EDIL3: variants seen among roughly 807,000 people sequenced by gnomAD.
EDIL3 encodes EGF like and discoidin domains 3, also known as EGF-like repeat and discoidin I-like domain-containing protein 3.
In EDIL3, 37 loss-of-function variants were observed where a neutral mutation model predicts 67.4. The ratio of observed to expected loss-of-function variants is 0.55; its 90% CI spans 0.42 to 0.72. The LOEUF (loss-of-function observed/expected upper bound fraction) is 0.72. EDIL3 is among the 30% of genes least tolerant of loss of function. EDIL3 has a pLI of 0.00. For synonymous variants in EDIL3, 195 were observed against 196.3 expected (o/e 0.99, Z 0.05); for missense variants, 527 against 586.3 (o/e 0.90, Z 1.04).
intron 10 of EDIL3, among the ~76,000 whole-genome samples, chr5:83,956,439 C>T (rs979397684): frequency 2.0e-5 from 3 of 151,730 alleles, no homozygotes; most frequent in African/African-American, 7.2e-5. Flanking sequence ...ATTATGTTCT[C>T]TGTGTACCTT....
intron 9 of EDIL3, among the ~76,000 whole-genome samples, chr5:83,982,168 A>T (rs1316156410): frequency 1.3e-5 from 2 of 152,138 alleles, no homozygotes; most frequent in Non-Finnish European, 2.9e-5. Context: ...GAAACTAATT[A>T]AAAAATATTT....
chr5:84,384,082 C>T (rs1019164995), intron 1 of EDIL3, among the ~76,000 whole-genome samples: 1 of 152,138 alleles, frequency 6.6e-6, no homozygotes, highest in South Asian at 2.1e-4. Context: ...TTTCCTGTAT[C>T]TCACCCCGGT....
At chr5:84,188,662 G>A (rs1743517254) in intron 3 of EDIL3, among the ~76,000 whole-genome samples, 1 of 151,776 alleles carries the variant, frequency 6.6e-6, no homozygotes, top group South Asian at 2.1e-4. Flanking sequence ...AAGGTTAAAT[G>A]AGGTCATATA....
rs1485289803 is a variant in EDIL3, at chr5:84,137,371, G to A, written c.356-17C>T. ...CATTTATGTCTAAGAAAAACAGAAA[G>A]GACAGAGGAAGAGAATTATTGGTAA... On this transcript the variant is annotated splice_polypyrimidine_tract_variant and intron_variant, in intron 4 of 10. Transcript: ENST00000296591. The A allele has an allele frequency of 6.3e-7, 1 of 1,591,842 alleles. No individual in the cohort carries two copies. Among genetic ancestry groups the A allele is most frequent in the Admixed American group, 1.8e-5 (1 of 56,852 alleles).
At chr5:84,000,853 A>G (rs1745318841) in intron 9 of EDIL3, among the ~76,000 whole-genome samples, 1 of 151,854 alleles carries the variant, frequency 6.6e-6, no homozygotes, top group East Asian at 1.9e-4. Context: ...AAATTAAACA[A>G]TATGCTCCTC....
intron 1 of EDIL3, among the ~76,000 whole-genome samples, chr5:84,373,139 A>G (rs952454409): frequency 6.6e-6 from 1 of 151,960 alleles, no homozygotes; most frequent in Non-Finnish European, 1.5e-5. Flanking sequence ...CTCCTCTACC[A>G]TTCCTTAGTA....
intron 5 of EDIL3, among the ~76,000 whole-genome samples, chr5:84,112,968 G>T (rs190338641): frequency 6.6e-6 from 1 of 152,080 alleles, no homozygotes; most frequent in Admixed American, 6.5e-5. Context: ...GCTCTCAAAG[G>T]TACACAGATA....
chr5:84,052,858 G>A (rs1014251270), intron 9 of EDIL3, among the ~76,000 whole-genome samples: 2 of 152,064 alleles, frequency 1.3e-5, no homozygotes, highest in African/African-American at 4.8e-5. Context: ...CAATAATAAT[G>A]GGAGACTTTA....
intron 4 of EDIL3, among the ~76,000 whole-genome samples, chr5:84,152,428 T>C (rs1356608888): frequency 6.6e-6 from 1 of 152,154 alleles, no homozygotes; most frequent in Non-Finnish European, 1.5e-5. Flanking sequence ...TAATGGGCTA[T>C]CTCCATAACA....
intron 5 of EDIL3, among the ~76,000 whole-genome samples, chr5:84,128,251 T>C (rs949699741): frequency 6.6e-6 from 1 of 152,016 alleles, no homozygotes; most frequent in Non-Finnish European, 1.5e-5. Context: ...GTTTGAAAAA[T>C]TGTGCACATT....
intron 9 of EDIL3, among the ~76,000 whole-genome samples, chr5:84,039,144 A>C (rs1746076088): frequency 6.6e-6 from 1 of 151,954 alleles, no homozygotes; most frequent in Non-Finnish European, 1.5e-5. Context: ...CATTGAGCTA[A>C]AAACAGCTTT....
intron 3 of EDIL3, among the ~76,000 whole-genome samples, chr5:84,181,867 C>T (rs1472508522): frequency 6.6e-6 from 1 of 152,004 alleles, no homozygotes; most frequent in East Asian, 1.9e-4. Flanking sequence ...AAAAGAAAAG[C>T]CACTGAAGAG....
intron 6 of EDIL3, among the ~76,000 whole-genome samples, chr5:84,068,292 T>G (rs1234299120): frequency 6.6e-6 from 1 of 152,160 alleles, no homozygotes; most frequent in Non-Finnish European, 1.5e-5. Context: ...ACATACAATA[T>G]GCACAGTGGA....
At chr5:83,990,945 G>T (rs1686465299) in intron 9 of EDIL3, among the ~76,000 whole-genome samples, 1 of 151,838 alleles carries the variant, frequency 6.6e-6, no homozygotes, top group Admixed American at 6.6e-5. Flanking sequence ...AGAGTTAAGT[G>T]CAGAGCACAG....
chr5:84,322,939 T>C (rs1265254584), intron 1 of EDIL3, among the ~76,000 whole-genome samples: 1 of 151,860 alleles, frequency 6.6e-6, no homozygotes, highest in Non-Finnish European at 1.5e-5. Context: ...AAAAAAAATG[T>C]CAATCAAGAA....
At chr5:84,087,251 G>T (rs9687362) in intron 6 of EDIL3, among the ~76,000 whole-genome samples, 1,715 of 152,270 alleles carry the variant, frequency 0.011, 41 homozygotes, top group African/African-American at 0.039. Flanking sequence ...AACATCCTTT[G>T]TATAATCTTC....
intron 4 of EDIL3, among the ~76,000 whole-genome samples, chr5:84,153,925 G>T (rs1748445087): frequency 6.6e-6 from 1 of 152,152 alleles, no homozygotes; most frequent in African/African-American, 2.4e-5. Context: ...TCTGAGTGTT[G>T]CTGGGGAGTG....
chr5:83,947,577 G>A (rs1053482847), intron 10 of EDIL3, among the ~76,000 whole-genome samples: 4 of 151,722 alleles, frequency 2.6e-5, no homozygotes, highest in Non-Finnish European at 4.4e-5. Flanking sequence ...GAAAGAATCT[G>A]AGATCTGGAA....
At chr5:84,320,034 G>T (rs538917215) in intron 1 of EDIL3, among the ~76,000 whole-genome samples, 140 of 152,200 alleles carry the variant, frequency 9.2e-4, no homozygotes, top group African/African-American at 3.2e-3. Context: ...AAAGCATTAG[G>T]AGAAATACCT....
Sources: gnomAD v4.1 joint callset for allele counts (sites outside exome capture counted in the v4.1 genomes callset) on GRCh38, gnomAD v4.1.1 for gene constraint, MANE v1.5 for transcripts, NCBI Gene and HGNC (gene_info 2026-07-23, HGNC 2026-07-21) for gene names.